PI4K2A: variants seen among roughly 807,000 people sequenced by gnomAD.
PI4K2A encodes the protein phosphatidylinositol 4-kinase type 2 alpha.
In PI4K2A, 20 loss-of-function variants were observed where a neutral mutation model predicts 55.0. The observed-to-expected ratio is 0.36, with a 90% confidence interval of 0.26 to 0.53. The LOEUF is 0.53. PI4K2A is among the 20% of genes least tolerant of loss of function. PI4K2A has a pLI of 0.91. For synonymous variants in PI4K2A, 235 were observed against 258.5 expected (o/e 0.91, Z 0.87); for missense variants, 463 against 637.1 (o/e 0.73, Z 2.94).
intron 2 of PI4K2A, among the ~76,000 whole-genome samples, chr10:97,652,964 T>G (rs187142552): frequency 6.6e-6 from 1 of 152,374 alleles, no homozygotes; most frequent in East Asian, 1.9e-4. Context: ...AGTTCCCATT[T>G]CACATCTAAT....
At chr10:97,658,217 A>G (rs1125651) in intron 4 of PI4K2A, among the ~76,000 whole-genome samples, 3,974 of 152,292 alleles carry the variant, frequency 0.026, 165 homozygotes, top group East Asian at 0.15. Flanking sequence ...GTCCCTGGCA[A>G]CAATCATTCT....
At chr10:97,673,640 G>A (rs760452706) in exon 9 of PI4K2A, 11 of 1,613,920 alleles carry the variant, frequency 6.8e-6, no homozygotes, top group Non-Finnish European at 7.6e-6. Flanking sequence ...TCGTCCAGAT[G>A]CCACCTGTGA....
chr10:97,663,843 A>G (rs1246953187), intron 5 of PI4K2A, among the ~76,000 whole-genome samples: 2 of 151,298 alleles, frequency 1.3e-5, no homozygotes, highest in Non-Finnish European at 2.9e-5. Flanking sequence ...AAAAAAAAAA[A>G]AAAGAGACAG....
chr10:97,640,676 G>T, upstream of PI4K2A: 2 of 1,203,636 alleles, frequency 1.7e-6, no homozygotes, highest in Non-Finnish European at 1.1e-6. Context: ...GGGATGTCAC[G>T]GATTGGTCGC....
chr10:97,651,287 C>T (rs74608163), intron 2 of PI4K2A, 146 bp downstream of exon 2: 10 of 619,100 alleles, frequency 1.6e-5, no homozygotes, highest in African/African-American at 3.7e-5. Context: ...GGGAGGATGG[C>T]AGGATTAGGC....
chr10:97,673,727 C>T, exon 9 of PI4K2A: 1 of 1,614,056 alleles, frequency 6.2e-7, no homozygotes, highest in Non-Finnish European at 8.5e-7. Context: ...GGAAGCCCTT[C>T]TTTTCATGGT....
chr10:97,662,874 C>CT, intron 4 of PI4K2A, 33 bp from the exon 5 acceptor site: 1 of 1,498,620 alleles, frequency 6.7e-7, no homozygotes, highest in Non-Finnish European at 9.3e-7. Context: ...ATCATCCCCC[C>CT]TTTTTCTGCT....
intron 4 of PI4K2A, among the ~76,000 whole-genome samples, chr10:97,659,362 T>G (rs1033274240): frequency 2.0e-5 from 3 of 152,052 alleles, no homozygotes; most frequent in Non-Finnish European, 2.9e-5. Flanking sequence ...GGATTGACTT[T>G]GTATGCTGCT....
At chr10:97,654,336 GC>G (rs1417660674) in intron 2 of PI4K2A, among the ~76,000 whole-genome samples, 1 of 152,086 alleles carries the variant, frequency 6.6e-6, no homozygotes, top group East Asian at 1.9e-4. Flanking sequence ...TCATTCCTAT[GC>G]CTGAGTTTTC....
intron 1 of PI4K2A, among the ~76,000 whole-genome samples, chr10:97,642,895 T>C: frequency 7.5e-6 from 1 of 133,278 alleles, no homozygotes; most frequent in East Asian, 2.2e-4. Context: ...CTTCCTTCCT[T>C]CCTTCCTTCC....
At chr10:97,657,059 C>A in intron 4 of PI4K2A, 85 bp downstream of exon 4, 2 of 1,354,010 alleles carry the variant, frequency 1.5e-6, no homozygotes, top group South Asian at 1.2e-5. Flanking sequence ...GCTTGGGAGT[C>A]AGAGTACCTT....
intron 1 of PI4K2A, among the ~76,000 whole-genome samples, chr10:97,650,432 C>T (rs1237351250): frequency 6.6e-6 from 1 of 151,978 alleles, no homozygotes; most frequent in African/African-American, 2.4e-5. Context: ...CAGGTGTGCA[C>T]CACCGCGCCC....
intron 5 of PI4K2A, 143 bp downstream of exon 5, chr10:97,663,111 T>C (rs12252588): frequency 0.026 from 16,421 of 636,502 alleles, 908 homozygotes; most frequent in East Asian, 0.15. Flanking sequence ...TAATATTTGG[T>C]AAAGTTTTTC....
intron 1 of PI4K2A, among the ~76,000 whole-genome samples, chr10:97,648,591 T>G (rs932443405): frequency 1.4e-4 from 21 of 152,310 alleles, no homozygotes; most frequent in African/African-American, 4.6e-4. Flanking sequence ...AGTAGGAGTG[T>G]CTTGGCCTCC....
At chr10:97,670,887 G>C (rs1428389452) in intron 8 of PI4K2A, among the ~76,000 whole-genome samples, 2 of 151,768 alleles carry the variant, frequency 1.3e-5, no homozygotes, top group South Asian at 2.1e-4. Context: ...CCTGTAATCC[G>C]AGCACTTTGG....
intron 6 of PI4K2A, among the ~76,000 whole-genome samples, chr10:97,665,600 A>AT (rs1203275133): frequency 3.9e-4 from 51 of 131,002 alleles, no homozygotes; most frequent in African/African-American, 1.1e-3. Flanking sequence ...TTATTTATTT[A>AT]TTTTTTTTTT....
At chr10:97,653,402 A>G (rs149343528) in intron 2 of PI4K2A, among the ~76,000 whole-genome samples, 7 of 152,342 alleles carry the variant, frequency 4.6e-5, no homozygotes, top group Non-Finnish European at 8.8e-5. Context: ...GTGGCCATCA[A>G]TATTACACAA....
At chr10:97,642,601 G>A (rs1375731567) in intron 1 of PI4K2A, among the ~76,000 whole-genome samples, 2 of 151,696 alleles carry the variant, frequency 1.3e-5, no homozygotes, top group Non-Finnish European at 2.9e-5. Flanking sequence ...ATGTTGGCCA[G>A]GATGGTCTCG....
chr10:97,665,501 T>C (rs2041605436), intron 6 of PI4K2A, among the ~76,000 whole-genome samples: 1 of 152,214 alleles, frequency 6.6e-6, no homozygotes, highest in African/African-American at 2.4e-5. Context: ...CTTGAACTCC[T>C]GACTTCAGGT....
Sources: gnomAD v4.1 joint callset for allele counts (sites outside exome capture counted in the v4.1 genomes callset) on GRCh38, gnomAD v4.1.1 for gene constraint, MANE v1.5 for transcripts, NCBI Gene and HGNC (gene_info 2026-07-23, HGNC 2026-07-21) for gene names.